SUMF1: variants seen among roughly 807,000 people sequenced by gnomAD.
SUMF1 encodes the protein sulfatase modifying factor 1, also known as formylglycine-generating enzyme.
Under a neutral mutation model 47.6 loss-of-function variants are expected in SUMF1, and 48 were observed. That is an observed-to-expected ratio of 1.01 (90% CI 0.80 to 1.28). The LOEUF (loss-of-function observed/expected upper bound fraction) is 1.28, where lower values mean the gene tolerates loss of function less well. Among genes scored for constraint, SUMF1 ranks in the 50% most tolerant of loss-of-function variants. The pLI, the probability that SUMF1 is intolerant of heterozygous loss-of-function variation, is 0.00. For missense variants in SUMF1, 571 were observed against 485.4 expected (o/e 1.18, Z -1.66); for synonymous variants, 230 against 192.1 (o/e 1.20, Z -1.63).
chr3:4,216,753 A>G (rs566361246), intron 8 of SUMF1, among the ~76,000 whole-genome samples: 43 of 152,256 alleles, frequency 2.8e-4, no homozygotes, highest in Non-Finnish European at 5.6e-4. Context: ...GTCAACAAAC[A>G]TATGAAAAAA....
chr3:4,255,678 A>C, intron 8 of SUMF1, among the ~76,000 whole-genome samples: 1 of 139,678 alleles, frequency 7.2e-6, no homozygotes, highest in Non-Finnish European at 1.5e-5. Flanking sequence ...AGACTTTAAC[A>C]CCCCATTGTC....
chr3:4,183,409 T>G (rs1465370101), intron 8 of SUMF1, among the ~76,000 whole-genome samples: 10 of 152,196 alleles, frequency 6.6e-5, no homozygotes, highest in Admixed American at 3.9e-4. Context: ...TTATTTAAAG[T>G]GACAGTATCA....
chr3:4,431,535 C>A (rs867854752), intron 3 of SUMF1, among the ~76,000 whole-genome samples: 1 of 152,216 alleles, frequency 6.6e-6, no homozygotes, highest in South Asian at 2.1e-4. Flanking sequence ...GCTGTTGCGT[C>A]GCTCAATAAA....
At chr3:4,172,757 T>C (rs1042581353) in intron 8 of SUMF1, among the ~76,000 whole-genome samples, 1 of 152,178 alleles carries the variant, frequency 6.6e-6, no homozygotes, top group Non-Finnish European at 1.5e-5. Flanking sequence ...ATTCCGGATA[T>C]TAGCCCTTTG....
At chr3:4,180,782 G>A (rs1384884542) in intron 8 of SUMF1, among the ~76,000 whole-genome samples, 1 of 151,336 alleles carries the variant, frequency 6.6e-6, no homozygotes, top group East Asian at 1.9e-4. Context: ...TAGCCTGGGA[G>A]GTTGAGGTTA....
chr3:4,183,919 A>G (rs1695146278), intron 8 of SUMF1, among the ~76,000 whole-genome samples: 1 of 152,148 alleles, frequency 6.6e-6, no homozygotes, highest in South Asian at 2.1e-4. Context: ...ACTTGAGGCC[A>G]GGAGTTCAAG....
intron 8 of SUMF1, among the ~76,000 whole-genome samples, chr3:4,150,513 G>C (rs1301583027): frequency 6.7e-6 from 1 of 149,854 alleles, no homozygotes; most frequent in East Asian, 2.0e-4. Context: ...AGTGAGCTGA[G>C]ATTGTGCCAC....
At chr3:4,250,302 G>A (rs889010843) in intron 8 of SUMF1, among the ~76,000 whole-genome samples, 2 of 149,360 alleles carry the variant, frequency 1.3e-5, no homozygotes, top group Non-Finnish European at 3.0e-5. Flanking sequence ...GAGGGAAGGA[G>A]GGAAGGAGGG....
intron 8 of SUMF1, among the ~76,000 whole-genome samples, chr3:4,271,974 C>G (rs1697314503): frequency 6.6e-6 from 1 of 152,098 alleles, no homozygotes; most frequent in African/African-American, 2.4e-5. Flanking sequence ...TTCTTAAGAA[C>G]AAAGTGCTGG....
intron 8 of SUMF1, among the ~76,000 whole-genome samples, chr3:4,350,277 C>G (rs1273151550): frequency 6.6e-6 from 1 of 151,946 alleles, no homozygotes; most frequent in Non-Finnish European, 1.5e-5. Flanking sequence ...CCACCTTGGC[C>G]TCCCAAAGTT....
At chr3:4,423,279 T>TATACAC (rs1553577171) in intron 3 of SUMF1, among the ~76,000 whole-genome samples, 1 of 147,126 alleles carries the variant, frequency 6.8e-6, no homozygotes, top group Non-Finnish European at 1.5e-5. Flanking sequence ...GAAACTGTGA[T>TATACAC]ACACACACAC....
intron 8 of SUMF1, among the ~76,000 whole-genome samples, chr3:4,246,716 G>C (rs1302210892): frequency 4.6e-5 from 7 of 152,028 alleles, no homozygotes; most frequent in African/African-American, 1.7e-4. Flanking sequence ...TCTGTTTCTT[G>C]ATGTCTTTTA....
At chr3:4,369,729 A>G (rs1030198683) in intron 8 of SUMF1, among the ~76,000 whole-genome samples, 1 of 152,032 alleles carries the variant, frequency 6.6e-6, no homozygotes, top group Non-Finnish European at 1.5e-5. Context: ...ACATCCAGAA[A>G]CTCTGATTCA....
At chr3:4,363,197 TAA>T (rs1378755072) in intron 8 of SUMF1, among the ~76,000 whole-genome samples, 1 of 152,134 alleles carries the variant, frequency 6.6e-6, no homozygotes, top group Non-Finnish European at 1.5e-5. Context: ...AGAACAACAC[TAA>T]GACACCATTT....
chr3:4,382,862 T>G lies in SUMF1; in HGVS notation c.955-6473A>C, dbSNP rs574807431. 2.6e-3 allele frequency among the ~76,000 whole-genome samples: 386 copies of G among 150,798 alleles called. 1 individual carries two copies. Among genetic ancestry groups the G allele is most frequent in the African/African-American group, 9.0e-3 (369 of 41,020 alleles). On this transcript the variant is annotated intron_variant, in intron 7 of 8. Coordinates refer to ENST00000272902, the MANE Select transcript of SUMF1 (RefSeq NM_182760.4). The stretch of plus-strand genomic sequence containing the variant: ...GCATGTTCTCACTCACAGGAGGGAG[T>G]TGAACAATGAGAACACATGGACACA...
At chr3:4,256,441 C>G (rs1238173967) in intron 8 of SUMF1, among the ~76,000 whole-genome samples, 1 of 143,672 alleles carries the variant, frequency 7.0e-6, no homozygotes, top group African/African-American at 2.6e-5. Flanking sequence ...GATATCACTA[C>G]CGATCCCACA....
intron 9 of SUMF1, among the ~76,000 whole-genome samples, chr3:4,047,482 A>G (rs1043955844): frequency 7.9e-5 from 12 of 152,232 alleles, no homozygotes; most frequent in African/African-American, 2.6e-4. Flanking sequence ...GAGGCTTTAG[A>G]GCTCAATACT....
intron 8 of SUMF1, among the ~76,000 whole-genome samples, chr3:4,243,185 C>A (rs942132000): frequency 2.6e-5 from 4 of 152,048 alleles, no homozygotes; most frequent in Admixed American, 6.6e-5. Flanking sequence ...AGTGGTCTAT[C>A]TATTTTGTTG....
At position 4,417,149 on chromosome 3, in the gene SUMF1, A is replaced by G; in HGVS notation, c.819T>C (p.Asp273=). Residue 273 remains aspartate (D), a synonymous_variant, in exon 6 of 9, where the codon GAT becomes GAC. Coordinates refer to ENST00000272902, the MANE Select transcript of SUMF1 (RefSeq NM_182760.4). Reference sequence around the variant, plus strand: ...TCACAGGCGCAGTTCCTTGGAAGCCATCCTCACCAGTGTTGGTCACCGGAA... The same window carrying G: ...TCACAGGCGCAGTTCCTTGGAAGCCGTCCTCACCAGTGTTGGTCACCGGAA... ...GEFPVTNTGE[D]GFQGTAPVDA... 1 of 1,613,916 alleles carries G rather than the reference A, an allele frequency of 6.2e-7. No individual in the cohort carries two copies. Among genetic ancestry groups the G allele is most frequent in the Non-Finnish European group, 8.5e-7 (1 of 1,179,878 alleles).
Sources: gnomAD v4.1 joint callset for allele counts (sites outside exome capture counted in the v4.1 genomes callset) on GRCh38, gnomAD v4.1.1 for gene constraint, MANE v1.5 for transcripts, NCBI Gene and HGNC (gene_info 2026-07-23, HGNC 2026-07-21) for gene names.